Variants in LRRC42 observed in about 807,000 individuals in gnomAD.
LRRC42 encodes the protein leucine-rich repeat-containing protein 42.
Under a neutral mutation model 44.3 loss-of-function variants are expected in LRRC42, and 43 were observed. That is an observed-to-expected ratio of 0.97 (90% CI 0.76 to 1.25). LRRC42 has a LOEUF of 1.25. LRRC42 is among the 50% of genes most tolerant of loss of function. The pLI is 0.00. For missense variants in LRRC42, 540 were observed against 509.1 expected, an observed-to-expected ratio of 1.06 and a Z score of -0.58; for synonymous variants, 207 against 195.2, an observed-to-expected ratio of 1.06 and a Z score of -0.50.
At chr1:53,957,239 T>C (rs1654866471) in intron 3 of LRRC42, among the ~76,000 whole-genome samples, 3 of 152,264 alleles carry the variant, frequency 2.0e-5, no homozygotes, top group South Asian at 2.1e-4. Context: ...ACCATCTTGC[T>C]GTGGAAACTT....
Position 53,962,282 on chromosome 1 carries a change from C to G in LRRC42, c.814-14C>G, listed in dbSNP as rs1655017281. On this transcript the variant is annotated splice_polypyrimidine_tract_variant and intron_variant, in intron 6 of 8. Coordinates refer to ENST00000371370, the MANE Select transcript of LRRC42 (RefSeq NM_001256409.2). ...AAATGTATTTGCATTTCTGATCTGT[C>G]TCTGCCTCACTAGGACATCAAAACC... 3 of 1,592,158 alleles carry G rather than the reference C, an allele frequency of 1.9e-6. No homozygotes were observed. The highest frequency in any genetic ancestry group is 2.6e-6 in the Non-Finnish European group (3 of 1,160,220).
chr1:53,960,289 A>T, intron 4 of LRRC42, 67 bp from the exon 5 acceptor site: 1 of 1,043,592 alleles, frequency 9.6e-7, no homozygotes, highest in South Asian at 1.4e-5. Flanking sequence ...TGTTGAAAGC[A>T]TGTTTTTATA....
Position 53,952,174 on chromosome 1 carries a change from A to C in LRRC42, c.175A>C (p.Arg59=), listed in dbSNP as rs1654705805. The change falls in exon 3 of 9, where the codon AGG becomes CGG. Residue 59 remains arginine (R), a synonymous_variant. Transcript: ENST00000371370. ...KGFSVELCMN[R]EDDTARKEKT... The stretch of plus-strand genomic sequence containing the variant: ...CTTTTCTGTGGAGCTTTGCATGAAC[A>C]GGGAAGACGACACTGCACGGAAAGA... 2 of 1,614,118 alleles carry C rather than the reference A, an allele frequency of 1.2e-6. No individual in the cohort carries two copies. Among genetic ancestry groups the C allele is most frequent in the Non-Finnish European group, 1.7e-6 (2 of 1,180,044 alleles).
rs1393986693 is a variant in LRRC42, at chr1:53,967,762, C to G, written c.1110C>G (p.Ala370=). The G allele has an allele frequency of 6.2e-7, 1 of 1,614,116 alleles. No homozygotes were observed. Among genetic ancestry groups the G allele is most frequent in the Non-Finnish European group, 8.5e-7 (1 of 1,180,028 alleles). Residue 370 remains alanine, a synonymous_variant, in exon 9 of 9, where the codon GCC becomes GCG. Transcript: ENST00000371370. ...SEKLQFYKEK[A]PDCHGPVLKH... The stretch of plus-strand genomic sequence containing the variant: ...AACTCCAGTTCTATAAAGAGAAAGC[C>G]CCAGATTGCCATGGGCCAGTGTTGA...
intron 3 of LRRC42, among the ~76,000 whole-genome samples, chr1:53,955,723 G>T (rs1233982492): frequency 6.6e-6 from 1 of 151,044 alleles, no homozygotes. Flanking sequence ...CCACCTCCCG[G>T]GTTCACGCAA....
intron 7 of LRRC42, 89 bp downstream of exon 7, chr1:53,962,498 C>T: frequency 1.2e-6 from 1 of 807,638 alleles, no homozygotes; most frequent in South Asian, 1.5e-5. Context: ...AACAGTAATC[C>T]ACTTGGTAGT....
rs180737247 is a variant in LRRC42, at chr1:53,951,004, A to G, written c.-14-982A>G. ...GTTCCACACTATCTGCTCGGGGACTATAAGATGCCAGGACACTGTGTTATA... is the reference window on the plus strand; with the variant it reads ...GTTCCACACTATCTGCTCGGGGACTGTAAGATGCCAGGACACTGTGTTATA... On this transcript the variant is annotated intron_variant, in intron 2 of 8. Coordinates refer to ENST00000371370, the MANE Select transcript of LRRC42 (RefSeq NM_001256409.2). Among the ~76,000 whole-genome samples, 25 of 152,360 alleles carry G rather than the reference A, an allele frequency of 1.6e-4. No homozygotes were observed. In the East Asian group the frequency reaches 4.8e-3, roughly 29 times the overall value.
Position 53,952,026 on chromosome 1 carries a change from C to T in LRRC42, c.27C>T (p.Asn9=). Residue 9 remains asparagine (N), a synonymous_variant, in exon 3 of 9, where the codon AAC becomes AAT. Transcript: ENST00000371370. Reference sequence around the variant, plus strand: ...TGTCTTACTACCTCAGCTCAGAAAACCACCTGGACCCAGGGCCCATCTACA... The same window carrying T: ...TGTCTTACTACCTCAGCTCAGAAAATCACCTGGACCCAGGGCCCATCTACA... MSYYLSSE[N]HLDPGPIYMR... 1.2e-6 allele frequency: 2 copies of T among 1,614,020 alleles called. No homozygotes were observed. Among genetic ancestry groups the T allele is most frequent in the Non-Finnish European group, 1.7e-6 (2 of 1,180,030 alleles).
rs1655008354 is a variant in LRRC42 at position 53,962,064 on chromosome 1, G to C, written c.755G>C (p.Gly252Ala). 1 of 1,613,868 alleles carries C rather than the reference G, an allele frequency of 6.2e-7. No individual in the cohort carries two copies. Among genetic ancestry groups the C allele is most frequent in the African/African-American group, 1.3e-5 (1 of 74,912 alleles). ...CNPEITDAGI[G>A]YLFSFRKLNC... ...CCTGAGATCACAGATGCAGGCATTG[G>C]ATACCTCTTTTCTTTTAGGAAACTA... The change falls in exon 6 of 9, where the codon GGA (glycine) becomes GCA (alanine). Residue 252 changes from glycine (G) to alanine (A), a missense_variant. Transcript: ENST00000371370.
At chr1:53,956,357 T>C (rs767948313) in intron 3 of LRRC42, among the ~76,000 whole-genome samples, 3 of 152,206 alleles carry the variant, frequency 2.0e-5, no homozygotes, top group South Asian at 2.1e-4. Flanking sequence ...CCTTAAAATA[T>C]CACTTTTTGT....
chr1:53,964,796 C>T (rs1009971666), intron 7 of LRRC42, among the ~76,000 whole-genome samples: 1 of 152,102 alleles, frequency 6.6e-6, no homozygotes, highest in African/African-American at 2.4e-5. Context: ...ACTAAGAAAT[C>T]ACTTGCCATG....
intron 7 of LRRC42, among the ~76,000 whole-genome samples, chr1:53,964,995 A>ATTTTTTTTTTTTTTT (rs1557649612): frequency 1.2e-4 from 17 of 137,694 alleles, no homozygotes; most frequent in African/African-American, 5.2e-4. Context: ...CTGGAACTGT[A>ATTTTTTTTTTTTTTT]TTGTTTTTTT....
chr1:53,950,491 G>T (rs1654645871), intron 2 of LRRC42, among the ~76,000 whole-genome samples: 2 of 152,212 alleles, frequency 1.3e-5, no homozygotes, highest in African/African-American at 4.8e-5. Flanking sequence ...CAGCATTTTT[G>T]ATCACGGACC....
chr1:53,958,681 G>C (rs1654912113), intron 4 of LRRC42, among the ~76,000 whole-genome samples: 2 of 152,134 alleles, frequency 1.3e-5, no homozygotes, highest in African/African-American at 4.8e-5. Flanking sequence ...CCACCTCCCA[G>C]GTTCAAGCAA....
At chr1:53,959,249 A>G (rs931104934) in intron 4 of LRRC42, among the ~76,000 whole-genome samples, 2 of 152,258 alleles carry the variant, frequency 1.3e-5, no homozygotes, top group African/African-American at 4.8e-5. Context: ...AGCTACAATT[A>G]TAAAGAAAAT....
In LRRC42 at chr1:53,967,746, T is replaced by C. The variant is rs148123779; in HGVS notation, c.1094T>C (p.Phe365Ser). The change falls in exon 9 of 9, where the codon TTC (phenylalanine) becomes TCC (serine). Residue 365 changes from phenylalanine (F) to serine (S), a missense_variant. Phe to Ser is a radical substitution (Grantham distance 155). Coordinates refer to ENST00000371370, the MANE Select transcript of LRRC42 (RefSeq NM_001256409.2). ...THMNSSEKLQ[F>S]YKEKAPDCHG... ...ATGAACTCTTCCGAGAAACTCCAGT[T>C]CTATAAAGAGAAAGCCCCAGATTGC... The C allele has an allele frequency of 7.4e-6, 12 of 1,613,952 alleles. No homozygotes were observed. The highest frequency in any genetic ancestry group is 1.0e-5 in the Non-Finnish European group (12 of 1,180,030).
In LRRC42 at chr1:53,968,117, A is replaced by G. The variant is rs1022714124; in HGVS notation, c.*178A>G. 3.3e-6 allele frequency: 2 copies of G among 612,748 alleles called. No homozygotes were observed. Among genetic ancestry groups the G allele is most frequent in the Non-Finnish European group, 5.6e-6 (2 of 360,050 alleles). 38.0% of individuals were successfully genotyped at this position (612,748 alleles called of 1,614,324 possible). On this transcript the variant is annotated 3_prime_UTR_variant, in exon 9 of 9. Transcript: ENST00000371370. ...GGAAGTATGTAATAATTTCTAATGT[A>G]TATTTTCAATACATAGTAATTTTTT...
intron 3 of LRRC42, among the ~76,000 whole-genome samples, chr1:53,954,372 A>G (rs1437065500): frequency 6.6e-6 from 1 of 152,260 alleles, no homozygotes; most frequent in Non-Finnish European, 1.5e-5. Flanking sequence ...TACCTTGCCT[A>G]AATGAAAAAG....
rs1043506597 is a variant in LRRC42, at chr1:53,958,283, A to G, written c.605+3A>G. 2.5e-6 allele frequency: 4 copies of G among 1,612,912 alleles called. No homozygotes were observed. Among genetic ancestry groups the G allele is most frequent in the African/African-American group, 1.3e-5 (1 of 74,914 alleles). Reference sequence around the variant, plus strand: ...CTCACCAATGAAGCCCTGTCTAGGTACTGACCTGTCACCACTTGCAGATGA... The same window carrying G: ...CTCACCAATGAAGCCCTGTCTAGGTGCTGACCTGTCACCACTTGCAGATGA... On this transcript the variant is annotated splice_donor_region_variant and intron_variant, in intron 4 of 8. Transcript: ENST00000371370.
Sources: gnomAD v4.1 joint callset for allele counts (sites outside exome capture counted in the v4.1 genomes callset) on GRCh38, gnomAD v4.1.1 for gene constraint, MANE v1.5 for transcripts, NCBI Gene and HGNC (gene_info 2026-07-23, HGNC 2026-07-21) for gene names.